Variants in NOXRED1 observed in about 807,000 individuals in gnomAD.
NOXRED1 encodes NADP-dependent oxidoreductase domain-containing protein 1.
Under a neutral mutation model 30.4 loss-of-function variants are expected in NOXRED1, and 20 were observed. The observed-to-expected ratio is 0.66, with a 90% CI of 0.46 to 0.96. NOXRED1 has a LOEUF of 0.96. Ranked by LOEUF, NOXRED1 falls within the 40% of genes least tolerant of loss-of-function variation. NOXRED1 has a pLI of 0.00. For missense variants in NOXRED1, 374 were observed against 428.0 expected (o/e 0.87, Z 1.11); for synonymous variants, 155 against 168.0 (o/e 0.92, Z 0.60).
intron 5 of NOXRED1, among the ~76,000 whole-genome samples, chr14:77,396,484 G>C (rs1894190221): frequency 1.3e-5 from 2 of 151,856 alleles, no homozygotes; most frequent in African/African-American, 4.8e-5. Flanking sequence ...CCTGACCTCA[G>C]GTGATTCACC....
In NOXRED1 at chr14:77,394,611, A is replaced by G. The variant is rs890052341; in HGVS notation, c.*20T>C. 15 of 1,597,416 alleles carry G rather than the reference A, an allele frequency of 9.4e-6. No homozygotes were observed. Among genetic ancestry groups the G allele is most frequent in the African/African-American group, 1.3e-5 (1 of 74,452 alleles). On this transcript the variant is annotated 3_prime_UTR_variant, in exon 6 of 6. Coordinates refer to ENST00000380835, the MANE Select transcript of NOXRED1 (RefSeq NM_001113475.3). ...AGGGAAAATCTGTGAGTGGGAAAAAATCCTGATTCCTGAGTTCTCTTATTG... is the reference window on the plus strand; with the variant it reads ...AGGGAAAATCTGTGAGTGGGAAAAAGTCCTGATTCCTGAGTTCTCTTATTG...
At chr14:77,425,619 T>A (rs1457329815), upstream of NOXRED1, among the ~76,000 whole-genome samples, 3 of 152,054 alleles carry the variant, frequency 2.0e-5, no homozygotes, top group Non-Finnish European at 4.4e-5. Context: ...AAAGATGGAG[T>A]CTGATCCCCT....
intron 1 of NOXRED1, among the ~76,000 whole-genome samples, chr14:77,415,585 TATAGATAGATAGATAGATAG>T (rs35339836): frequency 3.4e-5 from 5 of 145,422 alleles, no homozygotes; most frequent in Non-Finnish European, 6.0e-5. Flanking sequence ...AGAAAATACA[TATAGATAGATAGATAGATAG>T]ATAGATAGAT....
At chr14:77,414,638 CA>C (rs750670308) in intron 1 of NOXRED1, among the ~76,000 whole-genome samples, 18 of 152,156 alleles carry the variant, frequency 1.2e-4, no homozygotes, top group Non-Finnish European at 2.5e-4. Flanking sequence ...TTTCCAGAAA[CA>C]AAAGTATAAC....
chr14:77,409,858 G>A (rs1346270137), intron 2 of NOXRED1, among the ~76,000 whole-genome samples: 1 of 151,084 alleles, frequency 6.6e-6, no homozygotes, highest in Non-Finnish European at 1.5e-5. Context: ...ATCCAGGCTG[G>A]AGTGCGTGGT....
Position 77,394,125 on chromosome 14 carries a change from A to G in NOXRED1, c.*506T>C, listed in dbSNP as rs1894120222. On this transcript the variant is annotated 3_prime_UTR_variant, in exon 6 of 6. Coordinates refer to ENST00000380835, the MANE Select transcript of NOXRED1 (RefSeq NM_001113475.3). Reference sequence around the variant, plus strand: ...GCTGTAAATAAGATAGTACCAGAACAGTCATATATAGTCAAAATAAGCATG... The same window carrying G: ...GCTGTAAATAAGATAGTACCAGAACGGTCATATATAGTCAAAATAAGCATG... The G allele has an allele frequency of 6.6e-6, 1 of 152,246 alleles. No homozygotes were observed. The highest frequency in any genetic ancestry group is 1.9e-4 in the East Asian group (1 of 5,206). The allele number at this position is 152,246 out of a possible 1,614,324, so 9.4% of individuals were successfully genotyped here.
intron 5 of NOXRED1, among the ~76,000 whole-genome samples, chr14:77,399,602 C>T (rs926200917): frequency 6.6e-6 from 1 of 152,138 alleles, no homozygotes; most frequent in Non-Finnish European, 1.5e-5. Context: ...ATCTTTGAGG[C>T]CCCTATTAGT....
chr14:77,396,539 G>A (rs768036957), intron 5 of NOXRED1, among the ~76,000 whole-genome samples: 13 of 152,018 alleles, frequency 8.6e-5, no homozygotes, highest in Admixed American at 1.3e-4. Context: ...ATGAGCCACC[G>A]CACCCAGCCC....
intron 2 of NOXRED1, 144 bp downstream of exon 2, chr14:77,413,790 C>T: frequency 1.9e-6 from 1 of 514,708 alleles, no homozygotes; most frequent in Non-Finnish European, 3.4e-6. Flanking sequence ...AAAGGCCATG[C>T]TTCTAACCTT....
intron 2 of NOXRED1, among the ~76,000 whole-genome samples, chr14:77,411,660 G>A (rs1894655788): frequency 6.6e-6 from 1 of 152,112 alleles, no homozygotes; most frequent in East Asian, 1.9e-4. Context: ...GAAGTGGACA[G>A]AAAGGGATTA....
At chr14:77,421,296 T>A (rs1335969047) in intron 1 of NOXRED1, among the ~76,000 whole-genome samples, 1 of 152,250 alleles carries the variant, frequency 6.6e-6, no homozygotes, top group Non-Finnish European at 1.5e-5. Flanking sequence ...GGAGGTTTCA[T>A]AAAGGCTTTT....
rs757173995 is a variant in NOXRED1, at chr14:77,413,954, G to C, written c.329C>G (p.Thr110Ser). ...CTCACCCAGAGTCTCTGGCCTCCGA[G>C]TGGAGATCCGCAGGCTTTCAGCAGG... ...PIPAESLRISTRRPETLGELQ... is the reference protein window; with the variant it reads ...PIPAESLRISSRRPETLGELQ... Residue 110 changes from threonine (T) to serine (S), a missense_variant, in exon 2 of 6, where the codon ACT becomes AGT. By Grantham distance (58) the Thr-to-Ser change is moderately conservative. Coordinates refer to ENST00000380835, the MANE Select transcript of NOXRED1 (RefSeq NM_001113475.3). The C allele has an allele frequency of 6.8e-5, 108 of 1,594,330 alleles. No homozygotes were observed. Among genetic ancestry groups the C allele is most frequent in the Non-Finnish European group, 8.7e-5 (101 of 1,166,070 alleles).
rs745411089 is a variant in NOXRED1, at chr14:77,406,796, C to T, written c.610G>A (p.Ala204Thr). Residue 204 changes from alanine to threonine, a missense_variant, in exon 4 of 6, where the codon GCC becomes ACC. By Grantham distance (58) the Ala-to-Thr change is moderately conservative (BLOSUM62 0). Transcript: ENST00000380835. ...YDEDSVSVWG[A>T]NKGVIAALQD... is the part of the protein sequence containing the mutation. The stretch of plus-strand genomic sequence containing the variant: ...AGAGCAGCTATGACTCCCTTATTGG[C>T]CCCCCAGACGCTGACAGAATCTTCA... 3 of 1,613,308 alleles carry T rather than the reference C, an allele frequency of 1.9e-6. No individual in the cohort carries two copies. Among genetic ancestry groups the T allele is most frequent in the South Asian group, 2.2e-5 (2 of 91,062 alleles).
At chr14:77,399,932 T>A (rs927730645) in intron 5 of NOXRED1, among the ~76,000 whole-genome samples, 1 of 151,296 alleles carries the variant, frequency 6.6e-6, no homozygotes, top group Non-Finnish European at 1.5e-5. Context: ...CCTAAACATA[T>A]CATTTTGAGA....
chr14:77,423,683 A>G (rs1334676037), upstream of NOXRED1, among the ~76,000 whole-genome samples: 1 of 152,200 alleles, frequency 6.6e-6, no homozygotes, highest in Non-Finnish European at 1.5e-5. Flanking sequence ...GGAGTACTAC[A>G]CTAGAGCAGT....
chr14:77,405,521 G>A (rs563785127), intron 5 of NOXRED1, among the ~76,000 whole-genome samples: 11 of 152,288 alleles, frequency 7.2e-5, no homozygotes, highest in African/African-American at 1.2e-4. Flanking sequence ...AAATGTGTCC[G>A]GTGGACACCT....
intron 1 of NOXRED1, among the ~76,000 whole-genome samples, chr14:77,419,966 A>C (rs1268731795): frequency 6.6e-6 from 1 of 152,126 alleles, no homozygotes; most frequent in Non-Finnish European, 1.5e-5. Context: ...GGGTTCATCC[A>C]AATTGGAGTC....
chr14:77,418,812 A>G (rs934730048), intron 1 of NOXRED1, among the ~76,000 whole-genome samples: 1 of 152,018 alleles, frequency 6.6e-6, no homozygotes, highest in African/African-American at 2.4e-5. Flanking sequence ...TACAGGTGTG[A>G]GCCATCACAC....
At chr14:77,403,285 G>C in intron 5 of NOXRED1, among the ~76,000 whole-genome samples, 1 of 152,216 alleles carries the variant, frequency 6.6e-6, no homozygotes, top group Non-Finnish European at 1.5e-5. Context: ...AAACAAAATA[G>C]AATGAAACAT....
Sources: allele counts gnomAD v4.1 joint callset (sites outside exome capture counted in the v4.1 genomes callset), GRCh38; gene constraint gnomAD v4.1.1; transcripts MANE v1.5; gene names NCBI Gene and HGNC (gene_info 2026-07-23, HGNC 2026-07-21).